The following CLN8 variants were observed in gnomAD, a reference collection of about 807,000 sequenced individuals.
The protein encoded by CLN8 is protein CLN8.
In CLN8, 14 loss-of-function variants were observed where a neutral mutation model predicts 15.7. The ratio of observed to expected loss-of-function variants is 0.89; its 90% CI spans 0.59 to 1.39. The LOEUF (loss-of-function observed/expected upper bound fraction) is 1.39. Ranked by LOEUF, CLN8 falls within the 40% of genes most tolerant of loss-of-function variation. CLN8 has a pLI of 0.00. For synonymous variants in CLN8, 188 were observed against 151.0 expected (o/e 1.25, Z -1.80); for missense variants, 415 against 364.0 (o/e 1.14, Z -1.14).
At chr8:1,760,677 G>A (rs1479543776), upstream of CLN8, among the ~76,000 whole-genome samples, 1 of 152,114 alleles carries the variant, frequency 6.6e-6, no homozygotes, top group East Asian at 1.9e-4. Context: ...TCAGCATGCT[G>A]TTAGTAGGAA....
intron 2 of CLN8, among the ~76,000 whole-genome samples, chr8:1,772,013 G>A (rs1377875186): frequency 2.0e-5 from 3 of 151,948 alleles, no homozygotes; most frequent in African/African-American, 7.3e-5. Flanking sequence ...TCGGCTCACT[G>A]CAACCTCCGC....
At chr8:1,772,343 G>A (rs891554647) in intron 2 of CLN8, among the ~76,000 whole-genome samples, 9 of 152,180 alleles carry the variant, frequency 5.9e-5, no homozygotes, top group Non-Finnish European at 1.3e-4. Flanking sequence ...GAAGTGTTGG[G>A]ACCTAGCATA....
upstream of CLN8, among the ~76,000 whole-genome samples, chr8:1,753,970 G>T (rs1800610550): frequency 1.3e-5 from 2 of 152,098 alleles, no homozygotes; most frequent in South Asian, 4.1e-4. Flanking sequence ...GATTCAGGTT[G>T]GTGGGACCAA....
upstream of CLN8, among the ~76,000 whole-genome samples, chr8:1,755,500 G>A (rs1035450953): frequency 6.6e-6 from 1 of 152,038 alleles, no homozygotes; most frequent in African/African-American, 2.4e-5. Flanking sequence ...GCCTCCCCCC[G>A]TTCTACCCCT....
chr8:1,770,540 A>T (rs984123278), intron 1 of CLN8, among the ~76,000 whole-genome samples: 2 of 152,196 alleles, frequency 1.3e-5, no homozygotes, highest in African/African-American at 4.8e-5. Context: ...AGGATCAAAC[A>T]GCAGAAGTTC....
intron 1 of CLN8, among the ~76,000 whole-genome samples, chr8:1,764,133 C>G (rs1022958891): frequency 6.6e-6 from 1 of 152,104 alleles, no homozygotes; most frequent in South Asian, 2.1e-4. Flanking sequence ...AGGGGGAGCC[C>G]GGGTGAGGGG....
chr8:1,757,299 G>T (rs1254086981), intron 1 of CLN8, among the ~76,000 whole-genome samples: 1 of 152,182 alleles, frequency 6.6e-6, no homozygotes. Context: ...CTCAACCAAG[G>T]TCATGACAAC....
chr8:1,757,886 T>G (rs1800708864), intron 1 of CLN8, among the ~76,000 whole-genome samples: 1 of 152,304 alleles, frequency 6.6e-6, no homozygotes, highest in South Asian at 2.1e-4. Context: ...TGCCAAATGT[T>G]GTTTGTCTGA....
At position 1,780,592 on chromosome 8, in the gene CLN8, G is replaced by A. The variant is rs200904267; in HGVS notation, c.*25G>A. ...GCTGCTCCAGCCGGGGCTCCGGGGC[G>A]GCAGCAGAGCTGGCACACCGATTCT... On this transcript the variant is annotated 3_prime_UTR_variant, in exon 3 of 3. Coordinates refer to ENST00000331222, the MANE Select transcript of CLN8 (RefSeq NM_018941.4). 3.4e-4 allele frequency: 554 copies of A among 1,609,266 alleles called. 3 individuals are homozygous for A. In the African/African-American group the frequency reaches 6.3e-3, roughly 18 times the overall value.
upstream of CLN8, among the ~76,000 whole-genome samples, chr8:1,754,485 T>C (rs1325348570): frequency 6.6e-6 from 1 of 152,254 alleles, no homozygotes; most frequent in South Asian, 2.1e-4. Flanking sequence ...GGTCTCAACA[T>C]GTCTATCAGC....
upstream of CLN8, among the ~76,000 whole-genome samples, chr8:1,753,615 A>C (rs1800602772): frequency 1.1e-5 from 1 of 90,984 alleles, no homozygotes; most frequent in Non-Finnish European, 2.4e-5. Flanking sequence ...GGCTGGGTGT[A>C]GTGGCTCACA....
At chr8:1,766,040 C>G (rs1000467204) in intron 1 of CLN8, among the ~76,000 whole-genome samples, 1 of 152,152 alleles carries the variant, frequency 6.6e-6, no homozygotes, top group Non-Finnish European at 1.5e-5. Context: ...AGATGCATGA[C>G]AGAGTCGAAG....
At chr8:1,762,903 G>A (rs1800837714), upstream of CLN8, 1 of 152,150 alleles carries the variant, frequency 6.6e-6, no homozygotes, top group Admixed American at 6.5e-5. Context: ...TCAATTAAGT[G>A]GTGAGTACTC....
intron 2 of CLN8, 187 bp from the exon 3 acceptor site, chr8:1,780,063 C>T: frequency 1.0e-6 from 1 of 985,478 alleles, no homozygotes; most frequent in Non-Finnish European, 1.2e-6. Context: ...CAGGTGCGCC[C>T]ACAGAGCTGG....
chr8:1,765,364 A>G (rs532868546), intron 1 of CLN8: 2 of 152,240 alleles, frequency 1.3e-5, no homozygotes, highest in African/African-American at 4.8e-5. Context: ...TAGAAAAACA[A>G]TTGACCCAGC....
Position 1,768,666 on chromosome 8 carries a change from G to A in CLN8, c.-123-2266G>A, listed in dbSNP as rs1382391933. Among the ~76,000 whole-genome samples, 3 of 152,074 alleles carry A rather than the reference G, an allele frequency of 2.0e-5. No individual in the cohort carries two copies. In the East Asian group the frequency reaches 5.8e-4, roughly 29 times the overall value. The stretch of plus-strand genomic sequence containing the variant: ...GGATGCTATTCCTTGCCTGATACCT[G>A]TCCTTTCCACCCAGCCTGCTTTTCT... On this transcript the variant is annotated intron_variant, in intron 1 of 2. Transcript: ENST00000331222.
At chr8:1,760,620 T>C (rs1800769823), upstream of CLN8, among the ~76,000 whole-genome samples, 1 of 152,224 alleles carries the variant, frequency 6.6e-6, no homozygotes. Context: ...GAGCAAGTTA[T>C]GGTTCCATCT....
At chr8:1,777,781 A>C (rs964279137) in intron 2 of CLN8, among the ~76,000 whole-genome samples, 1 of 152,218 alleles carries the variant, frequency 6.6e-6, no homozygotes, top group African/African-American at 2.4e-5. Flanking sequence ...CTATGGTGAC[A>C]GTGCCTTCTT....
In CLN8 at chr8:1,771,270, CTT is replaced by C; in HGVS notation, c.218_219del (p.Phe73TrpfsTer44). On this transcript the variant is annotated frameshift_variant, in exon 2 of 3. Transcript: ENST00000331222. LOFTEE classifies it high-confidence loss of function. ...GGGACCTGGCGGCCACGCGTGCAGT[CTT>C]TGGTGTTCAGAGCACAGCCGCAGGC... ...FWDLAATRAV[F>X]GVQSTAAGLW... 1 of 1,614,018 alleles carries C rather than the reference CTT, an allele frequency of 6.2e-7. No homozygotes were observed. Among genetic ancestry groups the C allele is most frequent in the Non-Finnish European group, 8.5e-7 (1 of 1,179,896 alleles).
Sources: allele counts gnomAD v4.1 joint callset (sites outside exome capture counted in the v4.1 genomes callset), GRCh38; gene constraint gnomAD v4.1.1; transcripts MANE v1.5; gene names NCBI Gene and HGNC (gene_info 2026-07-23, HGNC 2026-07-21).